The following C8orf34 variants were observed in gnomAD, a reference collection of about 807,000 sequenced individuals.
C8orf34 encodes chromosome 8 open reading frame 34, also known as uncharacterized protein C8orf34.
Under a neutral mutation model 68.3 loss-of-function variants are expected in C8orf34, and 65 were observed. That is an observed-to-expected ratio of 0.95 (90% CI 0.78 to 1.17). The LOEUF (loss-of-function observed/expected upper bound fraction) is 1.17. Ranked by LOEUF, C8orf34 falls within the 50% of genes most tolerant of loss-of-function variation. The probability of loss-of-function intolerance (pLI) is 0.00; values close to 1 mark genes in which losing one functional copy is unlikely to be tolerated. For synonymous variants in C8orf34, 244 were observed against 241.2 expected, an observed-to-expected ratio of 1.01 and a Z score of -0.11; for missense variants, 664 against 655.4, an observed-to-expected ratio of 1.01 and a Z score of -0.14.
intron 11 of C8orf34, among the ~76,000 whole-genome samples, chr8:68,784,275 A>G (rs1200705973): frequency 6.6e-6 from 1 of 152,196 alleles, no homozygotes; most frequent in Non-Finnish European, 1.5e-5. Context: ...TATTTATGTG[A>G]TATTTTCATC....
At position 68,459,240 on chromosome 8, in the gene C8orf34, T is replaced by C. The variant is rs371037931; in HGVS notation, c.608-9452T>C. Among the ~76,000 whole-genome samples, 26 of 152,278 alleles carry C rather than the reference T, an allele frequency of 1.7e-4. No homozygotes were observed. The East Asian group carries it at 3.5e-3, about 20-fold the overall frequency. On this transcript the variant is annotated intron_variant, in intron 3 of 13. Coordinates refer to ENST00000518698, the MANE Select transcript of C8orf34 (RefSeq NM_052958.4). The stretch of plus-strand genomic sequence containing the variant: ...AACTCTTTCATTTTCTTTTTTTCTT[T>C]TTTTTCTGAGATGGAGTCTCACTCT...
In C8orf34 at chr8:68,466,009, C is replaced by T. The variant is rs144611411; in HGVS notation, c.608-2683C>T. Among the ~76,000 whole-genome samples the T allele has an allele frequency of 2.3e-3, 322 of 142,964 alleles. 1 individual carries two copies. The highest frequency in any genetic ancestry group is 7.0e-3 in the African/African-American group (269 of 38,394). The allele number at this position is 142,964 out of a possible 152,430, so 93.8% of individuals were successfully genotyped here. ...TCTAATAAAAAAAGAAAATTTGGTG[C>T]GTATACACAATGAAATACTATTTGG... is the stretch of plus-strand genomic sequence containing the variant. On this transcript the variant is annotated intron_variant, in intron 3 of 13. Transcript: ENST00000518698.
intron 1 of C8orf34, among the ~76,000 whole-genome samples, chr8:68,408,501 T>G (rs555286933): frequency 5.3e-5 from 8 of 152,182 alleles, no homozygotes; most frequent in African/African-American, 1.9e-4. Flanking sequence ...TTTTCATAGT[T>G]TTCATTACTT....
At chr8:68,813,079 G>GA (rs1173386592) in intron 12 of C8orf34, among the ~76,000 whole-genome samples, 3 of 152,158 alleles carry the variant, frequency 2.0e-5, no homozygotes, top group Admixed American at 6.5e-5. Flanking sequence ...GTTTCTCTCT[G>GA]AAAAAACTTG....
chr8:68,593,913 C>T (rs1005418173), intron 7 of C8orf34, among the ~76,000 whole-genome samples: 1 of 152,024 alleles, frequency 6.6e-6, no homozygotes, highest in Non-Finnish European at 1.5e-5. Flanking sequence ...TTGTGTCCCA[C>T]AAATTTTGAT....
At chr8:68,399,147 T>C (rs1386793598) in intron 1 of C8orf34, among the ~76,000 whole-genome samples, 2 of 152,128 alleles carry the variant, frequency 1.3e-5, no homozygotes, top group Non-Finnish European at 2.9e-5. Flanking sequence ...AGTGAAAATT[T>C]ATTTATTTAT....
intron 7 of C8orf34, among the ~76,000 whole-genome samples, chr8:68,559,903 G>A (rs1816369789): frequency 6.6e-6 from 1 of 152,138 alleles, no homozygotes; most frequent in Non-Finnish European, 1.5e-5. Flanking sequence ...GGAGTTGATG[G>A]AACACAGTCC....
At chr8:68,540,735 G>A (rs1815669719) in intron 7 of C8orf34, among the ~76,000 whole-genome samples, 1 of 151,994 alleles carries the variant, frequency 6.6e-6, no homozygotes, top group Non-Finnish European at 1.5e-5. Context: ...CCAGCTACTC[G>A]GGAAGCTGAA....
At chr8:68,376,536 C>A (rs1586014417) in intron 1 of C8orf34, among the ~76,000 whole-genome samples, 1 of 151,890 alleles carries the variant, frequency 6.6e-6, no homozygotes, top group East Asian at 1.9e-4. Context: ...AATCCGAAAC[C>A]TGTAGAGTCA....
In C8orf34 at chr8:68,784,426, G is replaced by T. The variant is rs145744864; in HGVS notation, c.1456-3017G>T. 1.5e-3 allele frequency among the ~76,000 whole-genome samples: 231 copies of T among 152,280 alleles called. 1 individual carries two copies. Among genetic ancestry groups the T allele is most frequent in the Admixed American group, 4.8e-3 (73 of 15,302 alleles). ...GGTCACCTGGCTAGAGATAGGGTTT[G>T]TCAGGTTTCTTCACTGTAAAGTTAC... On this transcript the variant is annotated intron_variant, in intron 11 of 13. Coordinates refer to ENST00000518698, the MANE Select transcript of C8orf34 (RefSeq NM_052958.4).
At chr8:68,799,902 G>A (rs1322344130) in intron 12 of C8orf34, among the ~76,000 whole-genome samples, 1 of 152,150 alleles carries the variant, frequency 6.6e-6, no homozygotes, top group Non-Finnish European at 1.5e-5. Context: ...ATTTTGAAGG[G>A]CAGGGATGGA....
chr8:68,358,119 C>T (rs1488604623), intron 1 of C8orf34, among the ~76,000 whole-genome samples: 1 of 152,062 alleles, frequency 6.6e-6, no homozygotes, highest in Non-Finnish European at 1.5e-5. Flanking sequence ...TTAAATAAAT[C>T]GTAAAGCAAC....
chr8:68,510,812 T>A (rs1814237913), intron 5 of C8orf34, among the ~76,000 whole-genome samples: 2 of 152,168 alleles, frequency 1.3e-5, no homozygotes, highest in Admixed American at 1.3e-4. Flanking sequence ...TAAAAACCCA[T>A]CCAAGCCATG....
At chr8:68,538,499 G>A in intron 7 of C8orf34, among the ~76,000 whole-genome samples, 1 of 151,002 alleles carries the variant, frequency 6.6e-6, no homozygotes, top group Non-Finnish European at 1.5e-5. Flanking sequence ...ATGGCTAACA[G>A]GAATATTTGA....
At chr8:68,552,011 G>A (rs541304397) in intron 7 of C8orf34, among the ~76,000 whole-genome samples, 1 of 152,102 alleles carries the variant, frequency 6.6e-6, no homozygotes, top group Non-Finnish European at 1.5e-5. Flanking sequence ...AATTTGCTTG[G>A]TATTCTTGTT....
At chr8:68,456,255 GA>G (rs377708631) in intron 3 of C8orf34, among the ~76,000 whole-genome samples, 115 of 143,870 alleles carry the variant, frequency 8.0e-4, no homozygotes, top group Middle Eastern at 3.6e-3. Context: ...CACTCTGTCT[GA>G]AAAAAAAAAA....
chr8:68,589,002 GA>G (rs1817288341), intron 7 of C8orf34, among the ~76,000 whole-genome samples: 1 of 152,032 alleles, frequency 6.6e-6, no homozygotes, highest in African/African-American at 2.4e-5. Context: ...TTTTATTGGC[GA>G]AAACAGGCAA....
chr8:68,798,774 C>CCCATG lies in C8orf34; in HGVS notation c.1549+11239_1549+11243dup, dbSNP rs562840880. Among the ~76,000 whole-genome samples the CCCATG allele has an allele frequency of 5.6e-3, 846 of 152,132 alleles. 4 individuals are homozygous for CCCATG. The highest frequency in any genetic ancestry group is 0.01 in the Non-Finnish European group (680 of 67,996). Reference sequence around the variant, plus strand: ...GTGCTATTCTTATTTTGAAATGTTCCCCATGTTTGTGGTAAAACTGTGATA... The same window carrying CCCATG: ...GTGCTATTCTTATTTTGAAATGTTCCCCATGCCATGTTTGTGGTAAAACTGTGATA... On this transcript the variant is annotated intron_variant, in intron 12 of 13. Transcript: ENST00000518698.
intron 8 of C8orf34, among the ~76,000 whole-genome samples, chr8:68,665,950 A>G (rs1384610324): frequency 6.6e-6 from 1 of 152,256 alleles, no homozygotes; most frequent in Non-Finnish European, 1.5e-5. Flanking sequence ...CAAAACACAT[A>G]TAATTACCAA....
Sources: gnomAD v4.1 joint callset for allele counts (sites outside exome capture counted in the v4.1 genomes callset) on GRCh38, gnomAD v4.1.1 for gene constraint, MANE v1.5 for transcripts, NCBI Gene and HGNC (gene_info 2026-07-23, HGNC 2026-07-21) for gene names.